The following DGKB variants were observed in gnomAD, a reference collection of about 807,000 sequenced individuals.
DGKB encodes diacylglycerol kinase beta.
A neutral mutation model predicts 114.3 loss-of-function variants in DGKB; 67 were observed. The observed-to-expected ratio is 0.59, with a 90% CI of 0.48 to 0.72. The LOEUF (loss-of-function observed/expected upper bound fraction) is 0.72. Among genes scored for constraint, DGKB ranks in the 30% least tolerant of loss-of-function variants. The pLI, the probability that DGKB is intolerant of heterozygous loss-of-function variation, is 0.00. For missense variants in DGKB, 907 were observed against 975.2 expected (o/e 0.93, Z 0.93); for synonymous variants, 398 against 323.1 (o/e 1.23, Z -2.49).
At chr7:14,834,760 C>G (rs950600956) in intron 2 of DGKB, among the ~76,000 whole-genome samples, 10 of 152,148 alleles carry the variant, frequency 6.6e-5, no homozygotes, top group African/African-American at 2.4e-4. Flanking sequence ...GACCAACATT[C>G]CACAGATGCC....
At chr7:14,841,529 TTAAA>T (rs1349849960) in intron 1 of DGKB, 79 bp from the exon 2 acceptor site, 10 of 329,476 alleles carry the variant, frequency 3.0e-5, no homozygotes, top group Non-Finnish European at 4.9e-5. Context: ...GTGTTGAATG[TTAAA>T]TACTTTTTAA....
At chr7:14,463,505 C>G (rs928797144) in intron 21 of DGKB, among the ~76,000 whole-genome samples, 2 of 152,162 alleles carry the variant, frequency 1.3e-5, no homozygotes, top group Non-Finnish European at 2.9e-5. Context: ...TTTGCATCCT[C>G]TGTGTATGAT....
intron 21 of DGKB, among the ~76,000 whole-genome samples, chr7:14,362,406 T>C (rs1477813560): frequency 6.6e-6 from 1 of 152,078 alleles, no homozygotes; most frequent in Non-Finnish European, 1.5e-5. Flanking sequence ...CAGAAAATAA[T>C]GCCTATTATT....
intron 23 of DGKB, among the ~76,000 whole-genome samples, chr7:14,190,290 C>T (rs553968192): frequency 5.3e-5 from 8 of 152,092 alleles, no homozygotes; most frequent in African/African-American, 1.9e-4. Context: ...TTTTAGATAA[C>T]CAATGGGTCA....
intron 2 of DGKB, among the ~76,000 whole-genome samples, chr7:14,806,073 C>T (rs4719422): frequency 0.42 from 63,893 of 151,226 alleles, 15,793 homozygotes; most frequent in African/African-American, 0.69. Flanking sequence ...GAGATCTTTT[C>T]TTTTATAAAT....
At chr7:14,688,855 AGTTTTTCC>A (rs2128983723) in intron 9 of DGKB, among the ~76,000 whole-genome samples, 1 of 54,718 alleles carries the variant, frequency 1.8e-5, no homozygotes, top group South Asian at 6.8e-4. Flanking sequence ...CTAAAGTTTT[AGTTTTTCC>A]ATAAATAAAA....
chr7:14,847,473 C>A (rs889839894), intron 1 of DGKB, among the ~76,000 whole-genome samples: 2 of 152,090 alleles, frequency 1.3e-5, no homozygotes, highest in Admixed American at 1.3e-4. Flanking sequence ...AATATAAATT[C>A]TATAGGTTGG....
intron 6 of DGKB, among the ~76,000 whole-genome samples, chr7:14,706,604 A>G (rs1225540213): frequency 1.1e-5 from 1 of 87,374 alleles, no homozygotes; most frequent in Non-Finnish European, 2.2e-5. Context: ...AACAGAAATT[A>G]TAACAAACTA....
chr7:14,563,404 T>C lies in DGKB; in HGVS notation c.1770+10808A>G, dbSNP rs1796954149. Among the ~76,000 whole-genome samples the C allele has an allele frequency of 3.3e-5, 5 of 152,188 alleles. No homozygotes were observed. In the South Asian group the frequency reaches 1.0e-3, roughly 31 times the overall value. ...GTTTCTTGACAAAAAACTTCTAAAA[T>C]TCTTGAAATCTTCAAAGTGGTAAGT... On this transcript the variant is annotated intron_variant, in intron 20 of 25. Coordinates refer to ENST00000402815, the MANE Select transcript of DGKB (RefSeq NM_001350709.2).
At chr7:14,919,642 A>G (rs1022025497) in intron 1 of DGKB, among the ~76,000 whole-genome samples, 23 of 152,338 alleles carry the variant, frequency 1.5e-4, no homozygotes, top group African/African-American at 5.5e-4. Context: ...AAACTATGGT[A>G]CATCTCTAAA....
In DGKB at chr7:14,394,102, A is replaced by G. The variant is rs141330197; in HGVS notation, c.1836-48711T>C. Among the ~76,000 whole-genome samples, 503 of 152,312 alleles carry G rather than the reference A, an allele frequency of 3.3e-3. 11 individuals carry two copies. The highest frequency in any genetic ancestry group is 0.027 in the Admixed American group (411 of 15,290). ...CTAGAAATCAGTGATGGAAAAGATC[A>G]ATTAGGTCATTTAGCTCCTTTCCAA... On this transcript the variant is annotated intron_variant, in intron 21 of 25. Transcript: ENST00000402815.
At chr7:14,803,012 T>G (rs1842371236) in intron 2 of DGKB, among the ~76,000 whole-genome samples, 1 of 152,002 alleles carries the variant, frequency 6.6e-6, no homozygotes, top group African/African-American at 2.4e-5. Flanking sequence ...AAGGAAAATT[T>G]GGAGTAGGTG....
intron 20 of DGKB, among the ~76,000 whole-genome samples, chr7:14,532,438 T>G (rs1791751744): frequency 6.6e-6 from 1 of 151,464 alleles, no homozygotes; most frequent in Non-Finnish European, 1.5e-5. Flanking sequence ...TGTGAAAGAC[T>G]GGAAAACAGC....
intron 23 of DGKB, among the ~76,000 whole-genome samples, chr7:14,313,369 A>T (rs933831071): frequency 1.3e-5 from 2 of 152,068 alleles, no homozygotes; most frequent in Admixed American, 1.3e-4. Flanking sequence ...TACCGGGTTC[A>T]TCTCACTAGG....
chr7:14,783,568 G>C (rs1303399317), intron 2 of DGKB, among the ~76,000 whole-genome samples: 1 of 152,076 alleles, frequency 6.6e-6, no homozygotes, highest in Non-Finnish European at 1.5e-5. Context: ...TTAATGGAGT[G>C]GTTATGTATG....
chr7:14,288,028 A>T (rs1016571052), intron 23 of DGKB, among the ~76,000 whole-genome samples: 1 of 152,058 alleles, frequency 6.6e-6, no homozygotes, highest in Non-Finnish European at 1.5e-5. Flanking sequence ...GAATAGTGCA[A>T]GGTTTCTCTG....
At chr7:14,352,439 G>C (rs1813647644) in intron 21 of DGKB, among the ~76,000 whole-genome samples, 1 of 151,884 alleles carries the variant, frequency 6.6e-6, no homozygotes, top group Non-Finnish European at 1.5e-5. Flanking sequence ...TTGTACATTA[G>C]AACTAATTAC....
At chr7:14,923,765 C>T (rs1784618466) in intron 1 of DGKB, among the ~76,000 whole-genome samples, 1 of 152,062 alleles carries the variant, frequency 6.6e-6, no homozygotes, top group African/African-American at 2.4e-5. Flanking sequence ...GCGGCCAAGG[C>T]GGGCGAATCA....
Position 14,338,634 on chromosome 7 carries a change from C to G in DGKB, c.2003G>C (p.Gly668Ala). 1 of 1,608,582 alleles carries G rather than the reference C, an allele frequency of 6.2e-7. No homozygotes were observed. The highest frequency in any genetic ancestry group is 8.5e-7 in the Non-Finnish European group (1 of 1,176,834). Reference sequence around the variant, plus strand: ...AGACTCTCCCCAAAGATTGGATCCTCCATGCATGCTTGGTATATTCAAAAT... The same window carrying G: ...AGACTCTCCCCAAAGATTGGATCCTGCATGCATGCTTGGTATATTCAAAAT... ...IAILNIPSMHGGSNLWGESKK... is the reference protein window; with the variant it reads ...IAILNIPSMHAGSNLWGESKK... The change falls in exon 23 of 26, where the codon GGA becomes GCA. Residue 668 changes from glycine (G) to alanine (A), a missense_variant. Physicochemically the swap from Gly to Ala is moderately conservative, Grantham distance 60. This residue lies in a region of DGKB where 814 missense variants were observed against 856.6 expected (regional missense o/e 0.95). Coordinates refer to ENST00000402815, the MANE Select transcript of DGKB (RefSeq NM_001350709.2).
Sources: gnomAD v4.1 joint callset for allele counts (sites outside exome capture counted in the v4.1 genomes callset) on GRCh38, gnomAD v4.1.1 for gene constraint, gnomAD v4.1.1 regional missense constraint, MANE v1.5 for transcripts, NCBI Gene and HGNC (gene_info 2026-07-23, HGNC 2026-07-21) for gene names.